The following PELI2 variants were observed in gnomAD, a reference collection of about 807,000 sequenced individuals.
PELI2 encodes pellino E3 ubiquitin protein ligase family member 2, also known as E3 ubiquitin-protein ligase pellino homolog 2.
In PELI2, 23 loss-of-function variants were observed where a neutral mutation model predicts 42.3. The ratio of observed to expected loss-of-function variants is 0.54; its 90% CI spans 0.39 to 0.77. The LOEUF (loss-of-function observed/expected upper bound fraction) is 0.77. PELI2 is among the 30% of genes least tolerant of loss of function. PELI2 has a pLI of 0.00. For synonymous variants in PELI2, 245 were observed against 212.2 expected, an observed-to-expected ratio of 1.15 and a Z score of -1.34; for missense variants, 463 against 553.2, an observed-to-expected ratio of 0.84 and a Z score of 1.64.
chr14:56,225,838 G>C (rs553202193), intron 2 of PELI2, among the ~76,000 whole-genome samples: 1 of 152,198 alleles, frequency 6.6e-6, no homozygotes, highest in Admixed American at 6.5e-5. Context: ...ACCAAGGTGG[G>C]CAGGGGGTCC....
chr14:56,259,610 C>T (rs1888645674), intron 2 of PELI2, among the ~76,000 whole-genome samples: 1 of 152,120 alleles, frequency 6.6e-6, no homozygotes, highest in South Asian at 2.1e-4. Context: ...TAAAATCTCT[C>T]AGGAAACTAG....
At chr14:56,286,653 C>G (rs1889654200) in intron 3 of PELI2, among the ~76,000 whole-genome samples, 1 of 152,140 alleles carries the variant, frequency 6.6e-6, no homozygotes, top group Non-Finnish European at 1.5e-5. Flanking sequence ...TAGAGTTGAT[C>G]CAGTAGTCAA....
At chr14:56,295,395 T>A (rs1889966227) in intron 5 of PELI2, among the ~76,000 whole-genome samples, 1 of 152,096 alleles carries the variant, frequency 6.6e-6, no homozygotes. Flanking sequence ...TCAGCCTGGC[T>A]GCACAGCCTC....
rs1219847776 is a variant in PELI2, at chr14:56,300,840, A to G, written c.*3674A>G. ...TGATGCGCCTCCTTCTGTGCGACCA[A>G]TGAGACGACTTCAGCATCTTTTTAA... On this transcript the variant is annotated 3_prime_UTR_variant, in exon 6 of 6. Coordinates refer to ENST00000267460, the MANE Select transcript of PELI2 (RefSeq NM_021255.3). 7 of 152,320 alleles carry G rather than the reference A, an allele frequency of 4.6e-5. No homozygotes were observed. Among genetic ancestry groups the G allele is most frequent in the South Asian group, 2.1e-4 (1 of 4,820 alleles). The allele number at this position is 152,320 out of a possible 1,614,324, so 9.4% of individuals were successfully genotyped here. A position where few individuals can be genotyped will look rare whatever the true frequency, so the allele number is the denominator to read the frequency against.
chr14:56,118,439 C>T lies in PELI2; in HGVS notation c.-222C>T. 3.3e-6 allele frequency: 1 copy of T among 299,994 alleles called. No homozygotes were observed. The highest frequency in any genetic ancestry group is 6.1e-6 in the Non-Finnish European group (1 of 164,170). The allele number at this position is 299,994 out of a possible 1,614,324, so 18.6% of individuals were successfully genotyped here. A position where few individuals can be genotyped will look rare whatever the true frequency, so the allele number is the denominator to read the frequency against. On this transcript the variant is annotated 5_prime_UTR_variant, in exon 1 of 6. Coordinates refer to ENST00000267460, the MANE Select transcript of PELI2 (RefSeq NM_021255.3). Reference sequence around the variant, plus strand: ...ATTTGTTGCCGGCTCTGACTCGGGGCGGCCGCGGCGCGCGGAGCTCCGGGG... The same window carrying T: ...ATTTGTTGCCGGCTCTGACTCGGGGTGGCCGCGGCGCGCGGAGCTCCGGGG...
chr14:56,160,914 C>T (rs1195570320), intron 1 of PELI2, among the ~76,000 whole-genome samples: 2 of 152,202 alleles, frequency 1.3e-5, no homozygotes, highest in East Asian at 3.8e-4. Flanking sequence ...TGGAATCCCT[C>T]TCTCATGATC....
chr14:56,235,857 G>T (rs185121489), intron 2 of PELI2, among the ~76,000 whole-genome samples: 1 of 152,168 alleles, frequency 6.6e-6, no homozygotes, highest in African/African-American at 2.4e-5. Context: ...GCATTTCTGC[G>T]TACATTTAGG....
intron 1 of PELI2, among the ~76,000 whole-genome samples, chr14:56,130,238 C>T (rs781675168): frequency 1.3e-5 from 2 of 152,004 alleles, no homozygotes; most frequent in African/African-American, 4.8e-5. Context: ...AAGTGCTATT[C>T]GTGTGTGGCC....
In PELI2 at chr14:56,180,535, C is replaced by T. The variant is rs1386995207; in HGVS notation, c.207+2071C>T. 6.6e-6 allele frequency among the ~76,000 whole-genome samples: 1 copy of T among 152,178 alleles called. No homozygotes were observed. The highest frequency in any genetic ancestry group is 1.5e-5 in the Non-Finnish European group (1 of 68,038). ...GGTTTACATTTTCAAGAGAGAGACT[C>T]TGATAGGTCTCCCCTGGGTCACCGA... is the stretch of plus-strand genomic sequence containing the variant. On this transcript the variant is annotated intron_variant, in intron 2 of 5. Transcript: ENST00000267460. This position sits in a 1 kb window ranked among gnomAD's most constrained non-coding sequence, Gnocchi z 4.4.
At chr14:56,220,138 A>G (rs1299157870) in intron 2 of PELI2, among the ~76,000 whole-genome samples, 4 of 152,236 alleles carry the variant, frequency 2.6e-5, no homozygotes, top group Non-Finnish European at 4.4e-5. Flanking sequence ...AGCTCTGGAC[A>G]AGAGGCACAC....
At chr14:56,213,456 C>CA (rs763137404) in intron 2 of PELI2, among the ~76,000 whole-genome samples, 6 of 152,176 alleles carry the variant, frequency 3.9e-5, no homozygotes, top group Non-Finnish European at 8.8e-5. Flanking sequence ...GACTAGCCCA[C>CA]AGGGCAGCTT....
chr14:56,227,070 A>G (rs538249841), intron 2 of PELI2, among the ~76,000 whole-genome samples: 1 of 152,368 alleles, frequency 6.6e-6, no homozygotes, highest in East Asian at 1.9e-4. Context: ...AAAACAAATT[A>G]TCTAATAAAA....
rs117744226 is a variant in PELI2, at chr14:56,151,438, A to T, written c.78-26897A>T. Among the ~76,000 whole-genome samples, 1,326 of 152,234 alleles carry T rather than the reference A, an allele frequency of 8.7e-3. 19 individuals carry two copies. The highest frequency in any genetic ancestry group is 0.084 in the East Asian group (434 of 5,186). On this transcript the variant is annotated intron_variant, in intron 1 of 5. Coordinates refer to ENST00000267460, the MANE Select transcript of PELI2 (RefSeq NM_021255.3). Reference sequence around the variant, plus strand: ...CACAGACCTGTTCTAGAACAACATTACTTATTGTAAGTGTTGCAGATTTCT... The same window carrying T: ...CACAGACCTGTTCTAGAACAACATTTCTTATTGTAAGTGTTGCAGATTTCT...
At chr14:56,123,008 CA>C (rs1265075399) in intron 1 of PELI2, among the ~76,000 whole-genome samples, 2 of 152,058 alleles carry the variant, frequency 1.3e-5, no homozygotes, top group Admixed American at 6.5e-5. Context: ...AGAACCTCTA[CA>C]AATGAAAATT....
At position 56,300,833 on chromosome 14, in the gene PELI2, G is replaced by A. The variant is rs1290085112; in HGVS notation, c.*3667G>A. The A allele has an allele frequency of 4.6e-5, 7 of 152,000 alleles. No homozygotes were observed. The allele number at this position is 152,000 out of a possible 1,614,324, so 9.4% of individuals were successfully genotyped here. A position where few individuals can be genotyped will look rare whatever the true frequency, so the allele number is the denominator to read the frequency against. ...TAGGTTATGATGCGCCTCCTTCTGT[G>A]CGACCAATGAGACGACTTCAGCATC... On this transcript the variant is annotated 3_prime_UTR_variant, in exon 6 of 6. Coordinates refer to ENST00000267460, the MANE Select transcript of PELI2 (RefSeq NM_021255.3).
intron 1 of PELI2, among the ~76,000 whole-genome samples, chr14:56,131,793 C>T (rs985862294): frequency 6.6e-6 from 1 of 152,174 alleles, no homozygotes; most frequent in Non-Finnish European, 1.5e-5. Context: ...GGGTTTATTA[C>T]TTAGAAATCT....
chr14:56,133,576 G>A lies in PELI2; in HGVS notation c.77+14839G>A, dbSNP rs1409412652. Reference sequence around the variant, plus strand: ...TCGGGATCCAGTTTTCTGCCCTTGGGGCCTTTCCCCCACCCCCGTTACATG... The same window carrying A: ...TCGGGATCCAGTTTTCTGCCCTTGGAGCCTTTCCCCCACCCCCGTTACATG... On this transcript the variant is annotated intron_variant, in intron 1 of 5. Coordinates refer to ENST00000267460, the MANE Select transcript of PELI2 (RefSeq NM_021255.3). Among the ~76,000 whole-genome samples the A allele has an allele frequency of 2.0e-5, 3 of 152,110 alleles. No homozygotes were observed. The East Asian group carries it at 5.8e-4, about 29-fold the overall frequency.
chr14:56,172,551 G>T (rs745520445), intron 1 of PELI2, among the ~76,000 whole-genome samples: 40 of 152,224 alleles, frequency 2.6e-4, no homozygotes, highest in Non-Finnish European at 4.7e-4. Context: ...GACTCTTAAG[G>T]AGGGGAGGTT....
rs565623995 is a variant in PELI2 at position 56,224,124 on chromosome 14, G to A, written c.207+45660G>A. ...TGTATATATACTTTTAAAAGCTCTG[G>A]TTTAGAAATCAGAACAGGTTCAGAA... On this transcript the variant is annotated intron_variant, in intron 2 of 5. Coordinates refer to ENST00000267460, the MANE Select transcript of PELI2 (RefSeq NM_021255.3). Among the ~76,000 whole-genome samples, 5 of 152,274 alleles carry A rather than the reference G, an allele frequency of 3.3e-5. No homozygotes were observed. In the South Asian group the frequency reaches 6.2e-4, roughly 19 times the overall value.
Sources: gnomAD v4.1 joint callset for allele counts (sites outside exome capture counted in the v4.1 genomes callset) on GRCh38, gnomAD v4.1.1 for gene constraint, Gnocchi (gnomAD v3.1) non-coding constraint, MANE v1.5 for transcripts, NCBI Gene and HGNC (gene_info 2026-07-23, HGNC 2026-07-21) for gene names.